Variants in RBM17 observed in about 807,000 individuals in gnomAD.
RBM17 encodes RNA binding motif protein 17, also known as splicing factor 45.
In RBM17, 7 loss-of-function variants were observed where a neutral mutation model predicts 53.2. That is an observed-to-expected ratio of 0.13 (90% CI 0.07 to 0.25). The LOEUF is 0.25. RBM17 is among the 10% of genes least tolerant of loss of function. The pLI, the probability that RBM17 is intolerant of heterozygous loss-of-function variation, is 1.00. For synonymous variants in RBM17, 167 were observed against 178.1 expected, an observed-to-expected ratio of 0.94 and a Z score of 0.50; for missense variants, 257 against 496.7, an observed-to-expected ratio of 0.52 and a Z score of 4.59.
At chr10:6,093,468 C>A (rs778290578) in intron 1 of RBM17, among the ~76,000 whole-genome samples, 1 of 152,202 alleles carries the variant, frequency 6.6e-6, no homozygotes, top group Admixed American at 6.5e-5. Flanking sequence ...ATCCGCCCGC[C>A]TCGGTCTCCC....
chr10:6,098,556 G>GTATTTTTTTTTTTTTTTTTTTTTTTTTTT (rs1840613825), intron 2 of RBM17, among the ~76,000 whole-genome samples: 1 of 87,976 alleles, frequency 1.1e-5, no homozygotes, highest in African/African-American at 4.0e-5. Flanking sequence ...TAATACACAG[G>GTATTTTTTTTTTTTTTTTTTTTTTTTTTT]TTTTTTGTTT....
Position 6,112,910 on chromosome 10 carries a change from T to G in RBM17, c.856+549T>G. 1 of 174,616 alleles carries G rather than the reference T, an allele frequency of 5.7e-6. No homozygotes were observed. Among genetic ancestry groups the G allele is most frequent in the South Asian group, 1.2e-4 (1 of 8,178 alleles). 10.8% of individuals were successfully genotyped at this position (174,616 alleles called of 1,614,324 possible). ...CATTTAATTTTTACAGTCTGTTCTGTGTTGAGGGAATTCAGGAAAGAGACA... is the reference window on the plus strand; with the variant it reads ...CATTTAATTTTTACAGTCTGTTCTGGGTTGAGGGAATTCAGGAAAGAGACA... On this transcript the variant is annotated intron_variant, in intron 8 of 11. Coordinates refer to ENST00000379888, the MANE Select transcript of RBM17 (RefSeq NM_032905.5). This position sits in a 1 kb window ranked among gnomAD's most constrained non-coding sequence, Gnocchi z 4.4.
At chr10:6,101,120 A>G (rs1294859567) in intron 2 of RBM17, 151 bp from the exon 3 acceptor site, 4 of 471,268 alleles carry the variant, frequency 8.5e-6, no homozygotes, top group East Asian at 6.7e-5. Flanking sequence ...ATATGATTAT[A>G]GTAATAAATT....
intron 2 of RBM17, among the ~76,000 whole-genome samples, chr10:6,098,150 G>C (rs1210491586): frequency 6.6e-6 from 1 of 152,154 alleles, no homozygotes; most frequent in Non-Finnish European, 1.5e-5. Context: ...CTACTTTAGA[G>C]ATCTTTATGT....
chr10:6,099,796 A>G (rs1207214072), intron 2 of RBM17, among the ~76,000 whole-genome samples: 1 of 152,156 alleles, frequency 6.6e-6, no homozygotes, highest in Non-Finnish European at 1.5e-5. Flanking sequence ...GGTGGCTCAC[A>G]CCTGTAATCC....
At chr10:6,111,054 A>G (rs1397783488) in intron 7 of RBM17, among the ~76,000 whole-genome samples, 2 of 152,216 alleles carry the variant, frequency 1.3e-5, no homozygotes, top group African/African-American at 2.4e-5. Context: ...CTTAGGAAAG[A>G]TGCAAGATGG....
intron 10 of RBM17, 144 bp from the exon 11 acceptor site, chr10:6,115,095 A>C: frequency 1.5e-6 from 1 of 676,420 alleles, no homozygotes; most frequent in Admixed American, 3.1e-5. Flanking sequence ...TGAACAAATT[A>C]TACTTATTTC....
At position 6,096,388 on chromosome 10, in the gene RBM17, T is replaced by C. The variant is rs1468736239; in HGVS notation, c.-18-660T>C. Among the ~76,000 whole-genome samples the C allele has an allele frequency of 2.6e-5, 4 of 152,334 alleles. No individual in the cohort carries two copies. The East Asian group carries it at 7.7e-4, about 29-fold the overall frequency. On this transcript the variant is annotated intron_variant, in intron 1 of 11. Transcript: ENST00000379888. The stretch of plus-strand genomic sequence containing the variant: ...TTTGCGCCTGCTGACTCGGTTTTTG[T>C]TTCCACGTGTTCCTCTGTTCTGCAC...
chr10:6,114,455 G>A, intron 10 of RBM17: 1 of 305,038 alleles, frequency 3.3e-6, no homozygotes, highest in South Asian at 3.1e-5. Context: ...CAGTCATTTG[G>A]TGAGTATTTA....
At chr10:6,107,550 C>T (rs149010106) in intron 5 of RBM17, among the ~76,000 whole-genome samples, 1,643 of 133,190 alleles carry the variant, frequency 0.012, 32 homozygotes, top group African/African-American at 0.042. Context: ...GGCGCCATCT[C>T]GGCTCACTGC....
chr10:6,093,011 A>G (rs1457976406), intron 1 of RBM17, among the ~76,000 whole-genome samples: 3 of 152,170 alleles, frequency 2.0e-5, no homozygotes, highest in Non-Finnish European at 2.9e-5. Flanking sequence ...TTAATTCACT[A>G]TTTAATTTTT....
rs1261818382 is a variant in RBM17, at chr10:6,112,760, A to C, written c.856+399A>C. ...TATCTCCATCTCAGAGGTCGTCTCT[A>C]CTTTTCCCTTTTGCCCTTTCAGTAT... On this transcript the variant is annotated intron_variant, in intron 8 of 11. Coordinates refer to ENST00000379888, the MANE Select transcript of RBM17 (RefSeq NM_032905.5). The surrounding 1 kb of genome is among the most constrained non-coding windows in gnomAD (Gnocchi z 4.4). 1 of 259,954 alleles carries C rather than the reference A, an allele frequency of 3.8e-6. No homozygotes were observed. The highest frequency in any genetic ancestry group is 7.6e-6 in the Non-Finnish European group (1 of 132,088). 16.1% of individuals were successfully genotyped at this position (259,954 alleles called of 1,614,324 possible). A position where few individuals can be genotyped will look rare whatever the true frequency, so the allele number is the denominator to read the frequency against.
intron 2 of RBM17, among the ~76,000 whole-genome samples, chr10:6,098,563 G>GTCTTTTTTTTTTTTTTTTTTTTTT (rs1554834988): frequency 4.3e-5 from 2 of 46,642 alleles, no homozygotes. Context: ...CAGGTTTTTT[G>GTCTTTTTTTTTTTTTTTTTTTTTT]TTTTTTTTTT....
At chr10:6,105,496 A>T (rs991567677) in intron 4 of RBM17, among the ~76,000 whole-genome samples, 2 of 152,200 alleles carry the variant, frequency 1.3e-5, no homozygotes, top group African/African-American at 4.8e-5. Flanking sequence ...TGGCTTAGGG[A>T]TGCTGAACTG....
At chr10:6,106,111 G>A (rs758483726) in intron 4 of RBM17, 30 bp from the exon 5 acceptor site, 2 of 1,550,080 alleles carry the variant, frequency 1.3e-6, no homozygotes, top group South Asian at 1.1e-5. Context: ...GTTCATCTGT[G>A]ATGAACATTT....
At chr10:6,113,469 TC>T in intron 8 of RBM17, 38 bp from the exon 9 acceptor site, 1 of 1,372,518 alleles carries the variant, frequency 7.3e-7, no homozygotes, top group Non-Finnish European at 1.0e-6. Context: ...GATATGCTGC[TC>T]AGTTCTGTAA....
Position 6,115,371 on chromosome 10 carries a change from A to T in RBM17, c.1102+60A>T, listed in dbSNP as rs565107812. 48 of 1,535,758 alleles carry T rather than the reference A, an allele frequency of 3.1e-5. No individual in the cohort carries two copies. In the African/African-American group the frequency reaches 6.3e-4, roughly 20 times the overall value. ...AGTTGAATTTACAGCCTTAATCTTT[A>T]CAAGTAAAGTTACTGTTTAATTAAA... is the stretch of plus-strand genomic sequence containing the variant. On this transcript the variant is annotated intron_variant, in intron 11 of 11. Coordinates refer to ENST00000379888, the MANE Select transcript of RBM17 (RefSeq NM_032905.5).
chr10:6,108,792 C>G, intron 6 of RBM17, 50 bp downstream of exon 6: 1 of 1,434,146 alleles, frequency 7.0e-7, no homozygotes, highest in Non-Finnish European at 9.8e-7. Context: ...GTCTTTAACC[C>G]AACCATGGGG....
Position 6,107,667 on chromosome 10 carries a change from A to T in RBM17, c.506-1019A>T, listed in dbSNP as rs575043159. 2.6e-5 allele frequency among the ~76,000 whole-genome samples: 4 copies of T among 151,546 alleles called. No individual in the cohort carries two copies. The South Asian group carries it at 8.4e-4, about 32-fold the overall frequency. ...CAGCTGATTTTTGCATTTTTAGTAG[A>T]GATGGGGTTTCACCATGTTGATCAG... is the stretch of plus-strand genomic sequence containing the variant. On this transcript the variant is annotated intron_variant, in intron 5 of 11. Transcript: ENST00000379888.
Sources: gnomAD v4.1 joint callset for allele counts (sites outside exome capture counted in the v4.1 genomes callset) on GRCh38, gnomAD v4.1.1 for gene constraint, Gnocchi (gnomAD v3.1) non-coding constraint, MANE v1.5 for transcripts, NCBI Gene and HGNC (gene_info 2026-07-23, HGNC 2026-07-21) for gene names.